The following REV3L variants were observed in gnomAD, a reference collection of about 807,000 sequenced individuals.
REV3L encodes DNA polymerase zeta catalytic subunit.
REV3L carries 69 observed loss-of-function variants against 299.4 expected under a neutral mutation model. That is an observed-to-expected ratio of 0.23 (90% CI 0.19 to 0.28). REV3L has a LOEUF of 0.28. REV3L is among the 10% of genes least tolerant of loss of function. The pLI, the probability that REV3L is intolerant of heterozygous loss-of-function variation, is 1.00. For missense variants in REV3L, 3,128 were observed against 3,693.8 expected (o/e 0.85, Z 3.97); for synonymous variants, 1,238 against 1,271.4 (o/e 0.97, Z 0.56).
At chr6:111,402,289 T>C (rs537962077) in intron 4 of REV3L, among the ~76,000 whole-genome samples, 2 of 152,206 alleles carry the variant, frequency 1.3e-5, no homozygotes, top group South Asian at 2.1e-4. Flanking sequence ...ATGTCTGAAG[T>C]ATGTTCCATT....
chr6:111,334,146 C>T (rs998947970), intron 22 of REV3L, among the ~76,000 whole-genome samples: 1 of 152,068 alleles, frequency 6.6e-6, no homozygotes, highest in Non-Finnish European at 1.5e-5. Context: ...ATCATGTTGG[C>T]CAAGGTGGTC....
At chr6:111,400,829 A>G (rs1308377411) in intron 4 of REV3L, among the ~76,000 whole-genome samples, 1 of 152,164 alleles carries the variant, frequency 6.6e-6, no homozygotes, top group African/African-American at 2.4e-5. Flanking sequence ...TAGAAGTTTG[A>G]TAGGTTCATA....
In REV3L at chr6:111,375,457, T is replaced by A; in HGVS notation, c.2898A>T (p.Lys966Asn). ...DGTLKSRKRR[K>N]MSKKLPPVII... The stretch of plus-strand genomic sequence containing the variant: ...TGACAGGGGGCAGCTTTTTAGACAT[T>A]TTTCTTCGTTTTCGGGATTTGAGAG... Residue 966 changes from lysine to asparagine, a missense_variant, in exon 13 of 32, where the codon AAA (lysine) becomes AAT (asparagine). Coordinates refer to ENST00000368802, the MANE Select transcript of REV3L (RefSeq NM_001372078.1). 1 of 1,602,360 alleles carries A rather than the reference T, an allele frequency of 6.2e-7. No homozygotes were observed. Among genetic ancestry groups the A allele is most frequent in the Non-Finnish European group, 8.5e-7 (1 of 1,177,048 alleles).
chr6:111,329,439 A>C, intron 25 of REV3L, 93 bp downstream of exon 25: 1 of 1,200,292 alleles, frequency 8.3e-7, no homozygotes, highest in Non-Finnish European at 1.2e-6. Flanking sequence ...ACCACATCTT[A>C]GCTTCCAAAG....
At chr6:111,468,752 AT>A (rs202155973) in intron 1 of REV3L, among the ~76,000 whole-genome samples, 2 of 16,486 alleles carry the variant, frequency 1.2e-4, no homozygotes, top group South Asian at 2.4e-3. Flanking sequence ...AGCATGTAAG[AT>A]AATATTTAGC....
At chr6:111,451,879 A>G (rs1308078534) in intron 1 of REV3L, among the ~76,000 whole-genome samples, 1 of 151,978 alleles carries the variant, frequency 6.6e-6, no homozygotes, top group Non-Finnish European at 1.5e-5. Context: ...GGACTTTATC[A>G]TAGTTTAAAA....
chr6:111,462,892 G>C (rs1345592143), intron 1 of REV3L, among the ~76,000 whole-genome samples: 1 of 152,070 alleles, frequency 6.6e-6, no homozygotes, highest in African/African-American at 2.4e-5. Context: ...TAGACACCGA[G>C]ACTCACATAA....
chr6:111,341,761 G>GC (rs1368750373), intron 21 of REV3L, among the ~76,000 whole-genome samples: 1 of 151,798 alleles, frequency 6.6e-6, no homozygotes, highest in Non-Finnish European at 1.5e-5. Context: ...GGAGTTGGGG[G>GC]GGGTCAGAAG....
At chr6:111,479,110 C>G (rs1456705862) in intron 1 of REV3L, among the ~76,000 whole-genome samples, 1 of 152,188 alleles carries the variant, frequency 6.6e-6, no homozygotes, top group Non-Finnish European at 1.5e-5. Flanking sequence ...AAGTCCACCT[C>G]AGTCAAATCC....
intron 9 of REV3L, among the ~76,000 whole-genome samples, chr6:111,382,986 A>T (rs1780990065): frequency 1.3e-5 from 2 of 151,932 alleles, no homozygotes; most frequent in Admixed American, 1.3e-4. Context: ...CTCTAAACAC[A>T]CCCTGGGCCA....
chr6:111,390,276 C>A, intron 5 of REV3L, 96 bp from the exon 6 acceptor site: 1 of 716,280 alleles, frequency 1.4e-6, no homozygotes, highest in South Asian at 1.7e-5. Context: ...TTAGCTTGTA[C>A]CCAGAAAACC....
chr6:111,441,440 C>T (rs1249419707), intron 1 of REV3L, among the ~76,000 whole-genome samples: 1 of 152,028 alleles, frequency 6.6e-6, no homozygotes, highest in East Asian at 1.9e-4. Context: ...TTTATAGAGA[C>T]AAGGTCTCAC....
At chr6:111,324,880 G>C (rs1421247676) in intron 25 of REV3L, among the ~76,000 whole-genome samples, 1 of 131,020 alleles carries the variant, frequency 7.6e-6, no homozygotes, top group Non-Finnish European at 1.6e-5. Flanking sequence ...TTTTTTTTTT[G>C]AGATGGAGTC....
chr6:111,481,432 C>A (rs1406248702), intron 1 of REV3L, among the ~76,000 whole-genome samples: 1 of 152,210 alleles, frequency 6.6e-6, no homozygotes, highest in Non-Finnish European at 1.5e-5. Context: ...CCCCATCTTT[C>A]AAGGTTCATA....
intron 31 of REV3L, among the ~76,000 whole-genome samples, chr6:111,303,366 T>C (rs1771835192): frequency 6.6e-6 from 1 of 151,092 alleles, no homozygotes; most frequent in Non-Finnish European, 1.5e-5. Flanking sequence ...TATTATTTTA[T>C]TTTTAATTTA....
chr6:111,338,707 T>C (rs1360048369), intron 21 of REV3L, among the ~76,000 whole-genome samples: 1 of 152,090 alleles, frequency 6.6e-6, no homozygotes, highest in Non-Finnish European at 1.5e-5. Flanking sequence ...GTTCCTGATT[T>C]AAGTGATTTG....
intron 21 of REV3L, among the ~76,000 whole-genome samples, chr6:111,343,541 A>AT (rs1776733375): frequency 1.3e-5 from 2 of 152,020 alleles, no homozygotes; most frequent in South Asian, 2.1e-4. Flanking sequence ...TTATTTATAT[A>AT]TTTTTTGAGA....
At chr6:111,424,876 T>C (rs1239227356) in intron 1 of REV3L, among the ~76,000 whole-genome samples, 1 of 152,200 alleles carries the variant, frequency 6.6e-6, no homozygotes, top group African/African-American at 2.4e-5. Context: ...CAGTTGGGTC[T>C]AACAAGAGGC....
intron 4 of REV3L, among the ~76,000 whole-genome samples, chr6:111,395,612 C>CA (rs1782409336): frequency 6.6e-6 from 1 of 152,008 alleles, no homozygotes. Context: ...TTGGAGTCTT[C>CA]AGGTTTTGCC....
Sources: allele counts gnomAD v4.1 joint callset (sites outside exome capture counted in the v4.1 genomes callset), GRCh38; gene constraint gnomAD v4.1.1; transcripts MANE v1.5; gene names NCBI Gene and HGNC (gene_info 2026-07-23, HGNC 2026-07-21).